CNTNAP4: variants seen among roughly 807,000 people sequenced by gnomAD.
CNTNAP4 encodes the protein contactin associated protein family member 4, also known as contactin-associated protein-like 4.
CNTNAP4 carries 98 observed loss-of-function variants against 148.4 expected under a neutral mutation model. The observed-to-expected ratio is 0.66, with a 90% CI of 0.56 to 0.78. CNTNAP4 has a LOEUF of 0.78. Among genes scored for constraint, CNTNAP4 ranks in the 30% least tolerant of loss-of-function variants. The pLI, the probability that CNTNAP4 is intolerant of heterozygous loss-of-function variation, is 0.00. For missense variants in CNTNAP4, 1,935 were observed against 1,565.6 expected (o/e 1.24, Z -3.98); for synonymous variants, 730 against 565.1 (o/e 1.29, Z -4.14).
At chr16:76,382,914 T>G (rs893829811) in intron 3 of CNTNAP4, among the ~76,000 whole-genome samples, 27 of 152,188 alleles carry the variant, frequency 1.8e-4, no homozygotes, top group African/African-American at 6.5e-4. Flanking sequence ...AGTGGTTAAT[T>G]TGAAAAGAAT....
intron 11 of CNTNAP4, 124 bp downstream of exon 11, chr16:76,476,169 T>A: frequency 1.6e-6 from 1 of 610,006 alleles, no homozygotes; most frequent in Non-Finnish European, 2.9e-6. Context: ...TTAATCCACA[T>A]CTCATTTCAT....
intron 17 of CNTNAP4, among the ~76,000 whole-genome samples, chr16:76,527,759 T>C (rs76119717): frequency 0.02 from 2,987 of 152,270 alleles, 99 homozygotes; most frequent in African/African-American, 0.068. Flanking sequence ...AAAGTAACTA[T>C]GTCAGATTAT....
rs1001432571 is a variant in CNTNAP4 at position 76,482,001 on chromosome 16, A to T, written c.1882+2463A>T. Among the ~76,000 whole-genome samples the T allele has an allele frequency of 2.5e-4, 25 of 101,192 alleles. 1 individual carries two copies. Among genetic ancestry groups the T allele is most frequent in the Non-Finnish European group, 4.4e-4 (21 of 47,964 alleles). The allele number at this position is 101,192 out of a possible 152,430, so 66.4% of individuals were successfully genotyped here. Reference sequence around the variant, plus strand: ...GAGATGAGAAGACACTGAGGAGTTTATTTTTTTATTTTTTTTTTTAATTTT... The same window carrying T: ...GAGATGAGAAGACACTGAGGAGTTTTTTTTTTTATTTTTTTTTTTAATTTT... On this transcript the variant is annotated intron_variant, in intron 12 of 23. Coordinates refer to ENST00000611870, the MANE Select transcript of CNTNAP4 (RefSeq NM_033401.5).
intron 2 of CNTNAP4, among the ~76,000 whole-genome samples, chr16:76,319,957 G>A (rs535358566): frequency 6.6e-6 from 1 of 152,258 alleles, no homozygotes; most frequent in South Asian, 2.1e-4. Context: ...ACAGATTTTG[G>A]TACTAGAAGT....
Position 76,297,950 on chromosome 16 carries a change from AT to A in CNTNAP4, c.86-18454del, listed in dbSNP as rs144335958. Among the ~76,000 whole-genome samples, 364 of 151,604 alleles carry A rather than the reference AT, an allele frequency of 2.4e-3. 1 individual carries two copies. The highest frequency in any genetic ancestry group is 8.2e-3 in the African/African-American group (340 of 41,340). ...ATCTACTCTTTATGTCAAACATATT[AT>A]TTTTTTTTCTTATCACCCGTAATCA... On this transcript the variant is annotated intron_variant, in intron 1 of 23. Transcript: ENST00000611870.
intron 1 of CNTNAP4, among the ~76,000 whole-genome samples, chr16:76,312,299 T>C (rs1167279869): frequency 6.6e-6 from 1 of 152,184 alleles, no homozygotes; most frequent in Admixed American, 6.5e-5. Context: ...TGCTGATATT[T>C]CTTGGAAGTG....
At chr16:76,331,852 T>G (rs1269748748) in intron 2 of CNTNAP4, among the ~76,000 whole-genome samples, 1 of 152,226 alleles carries the variant, frequency 6.6e-6, no homozygotes, top group East Asian at 1.9e-4. Flanking sequence ...TAGTGCCCTT[T>G]TCTTTCTGTC....
intron 19 of CNTNAP4, among the ~76,000 whole-genome samples, chr16:76,538,808 C>T (rs1189670108): frequency 6.6e-6 from 1 of 151,810 alleles, no homozygotes; most frequent in Non-Finnish European, 1.5e-5. Context: ...TTAAAAAAAT[C>T]ATCATGGGAA....
chr16:76,338,326 G>A (rs1435205402), intron 2 of CNTNAP4, among the ~76,000 whole-genome samples: 1 of 151,882 alleles, frequency 6.6e-6, no homozygotes, highest in Non-Finnish European at 1.5e-5. Flanking sequence ...ATAACAATCT[G>A]GCTCCATTCT....
intron 3 of CNTNAP4, among the ~76,000 whole-genome samples, chr16:76,374,885 C>G (rs1383104449): frequency 6.6e-6 from 1 of 151,872 alleles, no homozygotes; most frequent in African/African-American, 2.4e-5. Flanking sequence ...TCTCCTGCCT[C>G]TGCCTCTCAA....
intron 17 of CNTNAP4, among the ~76,000 whole-genome samples, chr16:76,523,227 A>C (rs909798771): frequency 1.3e-5 from 2 of 148,388 alleles, no homozygotes; most frequent in South Asian, 2.2e-4. Context: ...CAAACATTGA[A>C]CACTCCCCCG....
rs147201262 is a variant in CNTNAP4, at chr16:76,457,319, A to G, written c.1333+4550A>G. ...TTTGTGATTTGAGTAATAAATTCCA[A>G]TTGACAGGTATTAAGTCTCCTCATC... On this transcript the variant is annotated intron_variant, in intron 8 of 23. Coordinates refer to ENST00000611870, the MANE Select transcript of CNTNAP4 (RefSeq NM_033401.5). Among the ~76,000 whole-genome samples, 755 of 152,350 alleles carry G rather than the reference A, an allele frequency of 5.0e-3. 3 individuals carry two copies. The highest frequency in any genetic ancestry group is 0.017 in the Middle Eastern group (5 of 294).
intron 12 of CNTNAP4, among the ~76,000 whole-genome samples, chr16:76,486,646 A>G (rs1311772050): frequency 6.6e-6 from 1 of 152,236 alleles, no homozygotes; most frequent in African/African-American, 2.4e-5. Context: ...AGAGATTTAA[A>G]GGCTTATCTC....
chr16:76,387,964 A>G (rs944803255), intron 3 of CNTNAP4, among the ~76,000 whole-genome samples: 1 of 152,228 alleles, frequency 6.6e-6, no homozygotes, highest in Non-Finnish European at 1.5e-5. Flanking sequence ...TTTTTTAAAA[A>G]GTATTAATGT....
At chr16:76,410,894 C>T (rs374696314) in intron 3 of CNTNAP4, among the ~76,000 whole-genome samples, 10 of 151,376 alleles carry the variant, frequency 6.6e-5, no homozygotes, top group African/African-American at 1.7e-4. Flanking sequence ...CAGAGGTTAC[C>T]GAGTTTCTCC....
At chr16:76,282,908 T>C (rs1958741631) in intron 1 of CNTNAP4, among the ~76,000 whole-genome samples, 2 of 151,952 alleles carry the variant, frequency 1.3e-5, no homozygotes, top group South Asian at 4.1e-4. Context: ...CTTGTTAAAA[T>C]AGTTTATTTT....
chr16:76,556,113 A>G (rs1200351218), intron 23 of CNTNAP4, among the ~76,000 whole-genome samples: 2 of 152,204 alleles, frequency 1.3e-5, no homozygotes, highest in Non-Finnish European at 2.9e-5. Flanking sequence ...TATGTTCTAC[A>G]TCTTAGATGA....
chr16:76,437,897 G>GA, intron 4 of CNTNAP4, among the ~76,000 whole-genome samples: 1 of 152,252 alleles, frequency 6.6e-6, no homozygotes, highest in Non-Finnish European at 1.5e-5. Flanking sequence ...CAGTCATGGC[G>GA]TTGTAGCTTT....
At chr16:76,332,118 T>C (rs1963581158) in intron 2 of CNTNAP4, among the ~76,000 whole-genome samples, 1 of 152,220 alleles carries the variant, frequency 6.6e-6, no homozygotes, top group African/African-American at 2.4e-5. Flanking sequence ...TTGATGCTTT[T>C]AAGATTTTTT....
Sources: allele counts gnomAD v4.1 joint callset (sites outside exome capture counted in the v4.1 genomes callset), GRCh38; gene constraint gnomAD v4.1.1; transcripts MANE v1.5; gene names NCBI Gene and HGNC (gene_info 2026-07-23, HGNC 2026-07-21).